Variants in ST7 observed in about 807,000 individuals in gnomAD.
ST7 encodes the protein suppression of tumorigenicity 7.
Under a neutral mutation model 78.7 loss-of-function variants are expected in ST7, and 28 were observed. That is an observed-to-expected ratio of 0.36 (90% CI 0.26 to 0.49). The LOEUF (loss-of-function observed/expected upper bound fraction) is 0.49. Among genes scored for constraint, ST7 ranks in the 20% least tolerant of loss-of-function variants. The pLI, the probability that ST7 is intolerant of heterozygous loss-of-function variation, is 0.99. For missense variants in ST7, 418 were observed against 696.0 expected (o/e 0.60, Z 4.49); for synonymous variants, 247 against 249.6 (o/e 0.99, Z 0.10).
At chr7:117,150,562 T>A (rs997416309) in intron 9 of ST7, among the ~76,000 whole-genome samples, 1 of 152,166 alleles carries the variant, frequency 6.6e-6, no homozygotes. Flanking sequence ...CTGCTCCTTC[T>A]CCATCTTTTC....
rs76935095 is a variant in ST7, at chr7:117,226,822, T to C, written c.1639-2940T>C. 1.4e-3 allele frequency among the ~76,000 whole-genome samples: 212 copies of C among 152,268 alleles called. 5 individuals are homozygous for C. In the East Asian group the frequency reaches 0.024, roughly 17 times the overall value. ...CTAGGAAAAAGTTCAAGGGAGTCTTTGTGAATTCTCCCAAGGATGGAACAT... is the reference window on the plus strand; with the variant it reads ...CTAGGAAAAAGTTCAAGGGAGTCTTCGTGAATTCTCCCAAGGATGGAACAT... On this transcript the variant is annotated intron_variant, in intron 15 of 15. Coordinates refer to ENST00000323984, the MANE Select transcript of ST7 (RefSeq NM_001369598.1).
At chr7:117,084,586 A>G (rs554999920) in intron 1 of ST7, among the ~76,000 whole-genome samples, 1 of 152,288 alleles carries the variant, frequency 6.6e-6, no homozygotes, top group East Asian at 1.9e-4. Context: ...AAGTGACTTA[A>G]GTGATTTAAT....
rs544202981 is a variant in ST7 at position 117,229,668 on chromosome 7, A to G, written c.1639-94A>G. The G allele has an allele frequency of 7.0e-6, 7 of 1,005,344 alleles. No homozygotes were observed. In the Admixed American group the frequency reaches 1.6e-4, roughly 23 times the overall value. 62.3% of individuals were successfully genotyped at this position (1,005,344 alleles called of 1,614,324 possible). A position where few individuals can be genotyped will look rare whatever the true frequency, so the allele number is the denominator to read the frequency against. ...TTGCCTTTTGAGACTTTCGTAATGC[A>G]GAGACTTAAGCTGCAAGCGTGGGTG... On this transcript the variant is annotated intron_variant, in intron 15 of 15. Coordinates refer to ENST00000323984, the MANE Select transcript of ST7 (RefSeq NM_001369598.1).
At chr7:117,013,832 AAAAT>A (rs1454930002) in intron 1 of ST7, among the ~76,000 whole-genome samples, 3 of 152,208 alleles carry the variant, frequency 2.0e-5, no homozygotes, top group African/African-American at 7.2e-5. Flanking sequence ...GACTCCGCCA[AAAAT>A]AAATAAAAAT....
chr7:117,032,102 G>A (rs1033503239), intron 1 of ST7, among the ~76,000 whole-genome samples: 3 of 151,612 alleles, frequency 2.0e-5, no homozygotes, highest in Admixed American at 6.6e-5. Context: ...GGCTGGTCTC[G>A]AATTCCTGAC....
In ST7 at chr7:117,105,405, C is replaced by T. The variant is rs183406103; in HGVS notation, c.234+5561C>T. 6.1e-4 allele frequency among the ~76,000 whole-genome samples: 93 copies of T among 152,262 alleles called. 1 individual carries two copies. In the East Asian group the frequency reaches 9.7e-3, roughly 16 times the overall value. On this transcript the variant is annotated intron_variant, in intron 2 of 15. Transcript: ENST00000323984. Reference sequence around the variant, plus strand: ...CAGGCAATCCTTTGTCTCAGCCTCCCAAGTAGCTGGGACCACAGGTGCGTG... The same window carrying T: ...CAGGCAATCCTTTGTCTCAGCCTCCTAAGTAGCTGGGACCACAGGTGCGTG...
chr7:116,990,532 G>A (rs1009649813), intron 1 of ST7, among the ~76,000 whole-genome samples: 12 of 152,116 alleles, frequency 7.9e-5, no homozygotes, highest in African/African-American at 2.4e-4. Flanking sequence ...ATAAAAGATG[G>A]TAGAAGTTAG....
intron 9 of ST7, among the ~76,000 whole-genome samples, chr7:117,155,891 C>T (rs988145905): frequency 6.6e-6 from 1 of 152,174 alleles, no homozygotes; most frequent in African/African-American, 2.4e-5. Flanking sequence ...GTTGAATACA[C>T]CACTCATTCC....
intron 2 of ST7, among the ~76,000 whole-genome samples, chr7:117,101,862 A>G (rs1035903408): frequency 9.9e-5 from 15 of 152,226 alleles, no homozygotes; most frequent in Admixed American, 1.3e-4. Context: ...CCAACTAGAA[A>G]GCCCAATGCT....
intron 1 of ST7, among the ~76,000 whole-genome samples, chr7:117,008,776 C>G (rs1299508545): frequency 6.6e-6 from 1 of 152,138 alleles, no homozygotes; most frequent in African/African-American, 2.4e-5. Flanking sequence ...GATTAGAGCT[C>G]TTGCAGAGAA....
chr7:117,038,118 G>A (rs1436964335), intron 1 of ST7, among the ~76,000 whole-genome samples: 1 of 152,124 alleles, frequency 6.6e-6, no homozygotes, highest in East Asian at 1.9e-4. Flanking sequence ...TCATTCCCAA[G>A]CTAATGGCAA....
chr7:117,142,862 G>A (rs56680066), intron 9 of ST7, among the ~76,000 whole-genome samples: 18,691 of 152,074 alleles, frequency 0.12, 1,238 homozygotes, highest in Non-Finnish European at 0.14. Context: ...CACCTGCCTC[G>A]GCCTCCCAAA....
At chr7:117,134,252 C>T in intron 7 of ST7, 60 bp downstream of exon 7, 8 of 1,606,600 alleles carry the variant, frequency 5.0e-6, no homozygotes, top group Non-Finnish European at 6.8e-6. Flanking sequence ...TAGTGGATAT[C>T]TGGATGGTTG....
chr7:117,167,079 T>A (rs1302999915), intron 9 of ST7, among the ~76,000 whole-genome samples: 7 of 151,752 alleles, frequency 4.6e-5, no homozygotes, highest in South Asian at 4.2e-4. Context: ...TTGTTTTTTT[T>A]AATTATTATA....
chr7:117,212,716 T>C, intron 13 of ST7, among the ~76,000 whole-genome samples: 1 of 152,340 alleles, frequency 6.6e-6, no homozygotes, highest in African/African-American at 2.4e-5. Flanking sequence ...TTCATATTTC[T>C]GTTTTTAAAT....
At position 117,049,732 on chromosome 7, in the gene ST7, G is replaced by T. The variant is rs149305662; in HGVS notation, c.152-50030G>T. ...TTCTTACTCCAGATTCATGTATCTCGAAGTGGTGGGCAACCACAGCTGGAG... is the reference window on the plus strand; with the variant it reads ...TTCTTACTCCAGATTCATGTATCTCTAAGTGGTGGGCAACCACAGCTGGAG... On this transcript the variant is annotated intron_variant, in intron 1 of 15. Transcript: ENST00000323984. Among the ~76,000 whole-genome samples the T allele has an allele frequency of 2.4e-4, 36 of 152,216 alleles. 1 individual carries two copies. The highest frequency in any genetic ancestry group is 5.2e-4 in the Admixed American group (8 of 15,290).
At chr7:117,106,690 G>A (rs578040079) in intron 2 of ST7, among the ~76,000 whole-genome samples, 12 of 141,614 alleles carry the variant, frequency 8.5e-5, no homozygotes, top group Admixed American at 6.3e-4. Flanking sequence ...GTGCTTTCTC[G>A]GCTCACTGCA....
chr7:117,099,055 A>C (rs1801348985), intron 1 of ST7, among the ~76,000 whole-genome samples: 1 of 145,168 alleles, frequency 6.9e-6, no homozygotes, highest in Non-Finnish European at 1.5e-5. Flanking sequence ...GCAAAAAAAA[A>C]AAAAAAAAAA....
chr7:117,098,961 A>G (rs2116785982), intron 1 of ST7: 1 of 563,214 alleles, frequency 1.8e-6, no homozygotes, highest in East Asian at 9.8e-5. Context: ...GGGTATGAAC[A>G]GAGTGGTCAA....
Sources: allele counts gnomAD v4.1 joint callset (sites outside exome capture counted in the v4.1 genomes callset), GRCh38; gene constraint gnomAD v4.1.1; transcripts MANE v1.5; gene names NCBI Gene and HGNC (gene_info 2026-07-23, HGNC 2026-07-21).